Variants in NECAB1 observed in about 807,000 individuals in gnomAD.
NECAB1 encodes N-terminal EF-hand calcium binding protein 1.
NECAB1 carries 29 observed loss-of-function variants against 57.5 expected under a neutral mutation model. That is an observed-to-expected ratio of 0.50 (90% CI 0.38 to 0.69). The LOEUF (loss-of-function observed/expected upper bound fraction) is 0.69, where lower values mean the gene tolerates loss of function less well. Among genes scored for constraint, NECAB1 ranks in the 30% least tolerant of loss-of-function variants. NECAB1 has a pLI of 0.00. For missense variants in NECAB1, 372 were observed against 413.8 expected, an observed-to-expected ratio of 0.90 and a Z score of 0.88; for synonymous variants, 142 against 147.7, an observed-to-expected ratio of 0.96 and a Z score of 0.28.
At chr8:90,934,101 A>T (rs911507479) in intron 8 of NECAB1, among the ~76,000 whole-genome samples, 2 of 152,188 alleles carry the variant, frequency 1.3e-5, no homozygotes, top group Non-Finnish European at 1.5e-5. Flanking sequence ...CGTCTAAAAC[A>T]GCTTCTTACA....
intron 6 of NECAB1, among the ~76,000 whole-genome samples, chr8:90,921,424 T>A (rs1366622940): frequency 6.6e-6 from 1 of 152,088 alleles, no homozygotes; most frequent in Non-Finnish European, 1.5e-5. Flanking sequence ...ATTCCTGCAC[T>A]TTGGGAGGCC....
chr8:90,950,560 T>TA (rs1438090677), intron 11 of NECAB1, among the ~76,000 whole-genome samples: 2 of 152,262 alleles, frequency 1.3e-5, no homozygotes, highest in Admixed American at 1.3e-4. Flanking sequence ...TTTAGGGTGT[T>TA]AAATATGGTG....
intron 9 of NECAB1, among the ~76,000 whole-genome samples, chr8:90,938,581 T>C (rs945238160): frequency 2.8e-4 from 42 of 152,310 alleles, no homozygotes; most frequent in African/African-American, 8.7e-4. Context: ...TTAACTATTA[T>C]TTAAAAAGCT....
intron 5 of NECAB1, chr8:90,904,050 G>A (rs1809574366): frequency 6.6e-6 from 1 of 152,152 alleles, no homozygotes; most frequent in South Asian, 2.1e-4. Context: ...AGTCTGCCCT[G>A]AGAATTTATA....
chr8:90,808,984 A>G (rs1217304654), intron 2 of NECAB1, among the ~76,000 whole-genome samples: 1 of 152,062 alleles, frequency 6.6e-6, no homozygotes, highest in Non-Finnish European at 1.5e-5. Flanking sequence ...CGGGACTGTC[A>G]ATCACAATGT....
At chr8:90,853,901 G>T (rs937131074) in intron 3 of NECAB1, among the ~76,000 whole-genome samples, 1 of 150,178 alleles carries the variant, frequency 6.7e-6, no homozygotes, top group Non-Finnish European at 1.5e-5. Flanking sequence ...AGTGGGTAAG[G>T]AATGTAGCTA....
chr8:90,893,172 A>G (rs1586094416), intron 5 of NECAB1, among the ~76,000 whole-genome samples: 1 of 151,748 alleles, frequency 6.6e-6, no homozygotes, highest in Non-Finnish European at 1.5e-5. Flanking sequence ...ATTCCTGGTG[A>G]TACTACGGGA....
In NECAB1 at chr8:90,921,706, C is replaced by T. The variant is rs150729185; in HGVS notation, c.495-3829C>T. ...AAAACAAAAAAACAAGAGTTACAAC[C>T]TGCAGGTATCATTAAAATCTCTAGG... On this transcript the variant is annotated intron_variant, in intron 6 of 12. Transcript: ENST00000417640. 9.0e-3 allele frequency among the ~76,000 whole-genome samples: 1,370 copies of T among 152,156 alleles called. 5 individuals are homozygous for T. Among genetic ancestry groups the T allele is most frequent in the Non-Finnish European group, 0.015 (1,032 of 67,972 alleles).
In NECAB1 at chr8:90,951,379, G is replaced by A. The variant is rs534425604; in HGVS notation, c.1030+175G>A. On this transcript the variant is annotated intron_variant, in intron 12 of 12. Coordinates refer to ENST00000417640, the MANE Select transcript of NECAB1 (RefSeq NM_022351.5). ...GAAGAAATAAAAGATCTATATATTTGTTCTATTTTGTCCTTAGTTGACCCT... is the reference window on the plus strand; with the variant it reads ...GAAGAAATAAAAGATCTATATATTTATTCTATTTTGTCCTTAGTTGACCCT... 3.2e-4 allele frequency among the ~76,000 whole-genome samples: 49 copies of A among 152,038 alleles called. 1 individual carries two copies. Among genetic ancestry groups the A allele is most frequent in the African/African-American group, 1.2e-3 (48 of 41,466 alleles).
chr8:90,903,223 T>G (rs1450401960), intron 5 of NECAB1, among the ~76,000 whole-genome samples: 1 of 152,062 alleles, frequency 6.6e-6, no homozygotes, highest in Non-Finnish European at 1.5e-5. Context: ...TTTATTAAAT[T>G]TATAGAGTTA....
At chr8:90,876,411 C>G (rs1279001066) in intron 4 of NECAB1, among the ~76,000 whole-genome samples, 1 of 152,034 alleles carries the variant, frequency 6.6e-6, no homozygotes, top group Non-Finnish European at 1.5e-5. Flanking sequence ...TCTACCTAGT[C>G]TACTACTTGA....
At chr8:90,842,249 C>T (rs1297449650) in intron 3 of NECAB1, among the ~76,000 whole-genome samples, 1 of 152,076 alleles carries the variant, frequency 6.6e-6, no homozygotes, top group Non-Finnish European at 1.5e-5. Context: ...CATCATAGAC[C>T]ATTGGAAGCC....
intron 3 of NECAB1, among the ~76,000 whole-genome samples, chr8:90,863,487 T>G (rs1019325524): frequency 6.6e-5 from 10 of 152,162 alleles, no homozygotes; most frequent in African/African-American, 2.2e-4. Flanking sequence ...CCAAGCTTTC[T>G]TAAGTTAGGA....
intron 8 of NECAB1, among the ~76,000 whole-genome samples, chr8:90,930,042 C>G (rs1810369507): frequency 6.6e-6 from 1 of 152,070 alleles, no homozygotes; most frequent in Non-Finnish European, 1.5e-5. Flanking sequence ...CAAAAAAAAT[C>G]CTTTAGATAG....
At chr8:90,876,075 A>G (rs1808721869) in intron 4 of NECAB1, among the ~76,000 whole-genome samples, 1 of 152,190 alleles carries the variant, frequency 6.6e-6, no homozygotes. Flanking sequence ...AAACTCCAGA[A>G]TAAAAGCTTA....
At chr8:90,813,918 T>C (rs577266827) in intron 2 of NECAB1, among the ~76,000 whole-genome samples, 16 of 152,364 alleles carry the variant, frequency 1.1e-4, no homozygotes, top group African/African-American at 3.8e-4. Context: ...TTATAATTAA[T>C]TAGTATGGTA....
chr8:90,889,594 G>A (rs1185816032), intron 5 of NECAB1, among the ~76,000 whole-genome samples: 1 of 152,182 alleles, frequency 6.6e-6, no homozygotes, highest in Non-Finnish European at 1.5e-5. Flanking sequence ...TCATTTTAAG[G>A]TCCTTGAGGA....
chr8:90,923,946 A>C (rs545211575), intron 6 of NECAB1, among the ~76,000 whole-genome samples: 19 of 152,312 alleles, frequency 1.2e-4, no homozygotes, highest in African/African-American at 4.6e-4. Flanking sequence ...AAAATTATCA[A>C]AGGAAGAATT....
chr8:90,918,103 G>A (rs1206019336), intron 6 of NECAB1, among the ~76,000 whole-genome samples: 6 of 150,080 alleles, frequency 4.0e-5, no homozygotes, highest in East Asian at 2.0e-4. Flanking sequence ...TCTGCCTCCC[G>A]GGTTCAAGCA....
Sources: allele counts gnomAD v4.1 joint callset (sites outside exome capture counted in the v4.1 genomes callset), GRCh38; gene constraint gnomAD v4.1.1; transcripts MANE v1.5; gene names NCBI Gene and HGNC (gene_info 2026-07-23, HGNC 2026-07-21).